The following STARD13 variants were observed in gnomAD, a reference collection of about 807,000 sequenced individuals.
STARD13 encodes StAR related lipid transfer domain containing 13.
In STARD13, 62 loss-of-function variants were observed where a neutral mutation model predicts 106.4. The observed-to-expected ratio is 0.58, with a 90% CI of 0.48 to 0.72. The LOEUF (loss-of-function observed/expected upper bound fraction) is 0.72. Among genes scored for constraint, STARD13 ranks in the 30% least tolerant of loss-of-function variants. The pLI is 0.00. For missense variants in STARD13, 1,387 were observed against 1,424.0 expected (o/e 0.97, Z 0.42); for synonymous variants, 565 against 553.0 (o/e 1.02, Z -0.31).
chr13:33,251,144 A>G (rs956858385), intron 1 of STARD13, among the ~76,000 whole-genome samples: 3 of 152,208 alleles, frequency 2.0e-5, no homozygotes, highest in Middle Eastern at 3.2e-3. Flanking sequence ...GTTTTTATTT[A>G]TAAAATATCA....
the STARD13 span, among the ~76,000 whole-genome samples, chr13:33,508,168 G>A: frequency 6.6e-6 from 1 of 152,200 alleles, no homozygotes; most frequent in Non-Finnish European, 1.5e-5. Flanking sequence ...CTCACTGCAA[G>A]TGGCTGATCC....
intron 1 of STARD13, among the ~76,000 whole-genome samples, chr13:33,330,614 A>G (rs2077825271): frequency 6.6e-6 from 1 of 152,360 alleles, no homozygotes; most frequent in East Asian, 1.9e-4. Flanking sequence ...TTTCTTTTCA[A>G]GAGGGTGCTT....
chr13:33,643,982 A>G, the STARD13 span, among the ~76,000 whole-genome samples: 40 of 152,364 alleles, frequency 2.6e-4, no homozygotes, highest in African/African-American at 8.7e-4. Flanking sequence ...TTCTCCTTTA[A>G]AAATTGAGGA....
At chr13:33,505,080 C>T in the STARD13 span, among the ~76,000 whole-genome samples, 1 of 152,138 alleles carries the variant, frequency 6.6e-6, no homozygotes, top group African/African-American at 2.4e-5. Flanking sequence ...AGTTTACAAC[C>T]CCGTGCTTGT....
At chr13:33,293,614 C>T (rs1343123390) in intron 1 of STARD13, among the ~76,000 whole-genome samples, 2 of 152,150 alleles carry the variant, frequency 1.3e-5, no homozygotes, top group African/African-American at 2.4e-5. Flanking sequence ...GGTGTGTCTG[C>T]AAGGATGTTG....
At chr13:33,497,153 A>T in the STARD13 span, among the ~76,000 whole-genome samples, 1 of 152,146 alleles carries the variant, frequency 6.6e-6, no homozygotes, top group Non-Finnish European at 1.5e-5. Flanking sequence ...AAGACCTTTA[A>T]GTTTCCCAAA....
At chr13:33,361,337 TAATAC>T in the STARD13 span, among the ~76,000 whole-genome samples, 1 of 11,030 alleles carries the variant, frequency 9.1e-5, no homozygotes, top group Non-Finnish European at 6.9e-3. Context: ...ATATAATATA[TAATAC>T]ATGTAACATA....
chr13:33,620,863 C>T, the STARD13 span, among the ~76,000 whole-genome samples: 1 of 150,952 alleles, frequency 6.6e-6, no homozygotes, highest in Non-Finnish European at 1.5e-5. Flanking sequence ...TATTTAAAAA[C>T]ACATTATATA....
intron 1 of STARD13, among the ~76,000 whole-genome samples, chr13:33,177,879 G>T (rs1433622813): frequency 4.3e-4 from 2 of 4,602 alleles, no homozygotes; most frequent in African/African-American, 3.1e-3. Context: ...GGAAGGAAAG[G>T]AAGGAAGGAA....
the STARD13 span, among the ~76,000 whole-genome samples, chr13:33,364,754 T>G: frequency 6.6e-6 from 1 of 152,042 alleles, no homozygotes. Context: ...CCAGGCGTGG[T>G]GGCGGGCGCC....
chr13:33,105,249 T>C lies in STARD13; in HGVS notation c.*344A>G, dbSNP rs567924757. On this transcript the variant is annotated 3_prime_UTR_variant, in exon 14 of 14. Transcript: ENST00000336934. ...ATGGAGATATACACACATATGTACA[T>C]ATGCTATACATACATTTATTTACAG... The C allele has an allele frequency of 7.4e-5, 16 of 216,564 alleles. No individual in the cohort carries two copies. The highest frequency in any genetic ancestry group is 1.5e-4 in the Non-Finnish European group (16 of 105,294). 13.4% of individuals were successfully genotyped at this position (216,564 alleles called of 1,614,324 possible).
chr13:33,447,700 A>G, the STARD13 span, among the ~76,000 whole-genome samples: 3 of 152,248 alleles, frequency 2.0e-5, no homozygotes, highest in Non-Finnish European at 4.4e-5. Context: ...TAACAGAAAT[A>G]GTATGCTCTA....
the STARD13 span, among the ~76,000 whole-genome samples, chr13:33,630,927 C>G: frequency 6.6e-6 from 1 of 152,180 alleles, no homozygotes; most frequent in East Asian, 1.9e-4. Flanking sequence ...TAGAAAGATT[C>G]AGATCTTCCT....
chr13:33,331,813 A>G (rs555740520), intron 1 of STARD13, among the ~76,000 whole-genome samples: 44 of 152,212 alleles, frequency 2.9e-4, no homozygotes, highest in Non-Finnish European at 5.7e-4. Context: ...TCATGGATGA[A>G]TGAATGTAGC....
At chr13:33,652,217 G>A in the STARD13 span, among the ~76,000 whole-genome samples, 3 of 152,270 alleles carry the variant, frequency 2.0e-5, no homozygotes, top group South Asian at 2.1e-4. Flanking sequence ...GGAATTTTTG[G>A]TTATGACATT....
At chr13:33,502,548 A>G in the STARD13 span, among the ~76,000 whole-genome samples, 2 of 152,178 alleles carry the variant, frequency 1.3e-5, no homozygotes, top group African/African-American at 4.8e-5. Flanking sequence ...TATTATTTTG[A>G]GATACGTCCC....
the STARD13 span, among the ~76,000 whole-genome samples, chr13:33,649,900 T>C: frequency 6.6e-6 from 1 of 152,116 alleles, no homozygotes; most frequent in Non-Finnish European, 1.5e-5. Context: ...AAATTAATAG[T>C]CGTTGTGAAA....
At chr13:33,378,000 G>A in the STARD13 span, among the ~76,000 whole-genome samples, 1 of 152,114 alleles carries the variant, frequency 6.6e-6, no homozygotes, top group Non-Finnish European at 1.5e-5. Flanking sequence ...GTGGCTGGAT[G>A]GCTACTTTTA....
chr13:33,299,808 C>T (rs1244562025), intron 1 of STARD13, among the ~76,000 whole-genome samples: 1 of 152,156 alleles, frequency 6.6e-6, no homozygotes, highest in Non-Finnish European at 1.5e-5. Context: ...TGGAATGCAT[C>T]AATGCATAAA....
Sources: allele counts gnomAD v4.1 joint callset (sites outside exome capture counted in the v4.1 genomes callset), GRCh38; gene constraint gnomAD v4.1.1; transcripts MANE v1.5; gene names NCBI Gene and HGNC (gene_info 2026-07-23, HGNC 2026-07-21).